Variants in PIK3C2G observed in about 807,000 individuals in gnomAD.
PIK3C2G encodes phosphatidylinositol-4-phosphate 3-kinase catalytic subunit type 2 gamma.
A neutral mutation model predicts 181.1 loss-of-function variants in PIK3C2G; 168 were observed. The observed-to-expected ratio is 0.93, with a 90% CI of 0.82 to 1.05. The LOEUF (loss-of-function observed/expected upper bound fraction) is 1.05, where lower values mean the gene tolerates loss of function less well. Among genes scored for constraint, PIK3C2G ranks in the 50% least tolerant of loss-of-function variants. The pLI is 0.00. For synonymous variants in PIK3C2G, 573 were observed against 592.2 expected (o/e 0.97, Z 0.47); for missense variants, 1,869 against 1,732.8 (o/e 1.08, Z -1.40).
intron 8 of PIK3C2G, among the ~76,000 whole-genome samples, chr12:18,329,614 T>C (rs1937707608): frequency 6.6e-6 from 1 of 152,018 alleles, no homozygotes; most frequent in South Asian, 2.1e-4. Flanking sequence ...ATTAGTTCAT[T>C]TTCATTGTTG....
chr12:18,399,647 C>A lies in PIK3C2G; in HGVS notation c.2127-12C>A, dbSNP rs373291273. Reference sequence around the variant, plus strand: ...ACTCCAGTAAATTACAGTTTCCAATCTGGTTTTTCAGACTCTCTGAAGAAA... The same window carrying A: ...ACTCCAGTAAATTACAGTTTCCAATATGGTTTTTCAGACTCTCTGAAGAAA... On this transcript the variant is annotated splice_polypyrimidine_tract_variant and intron_variant, in intron 15 of 32. Transcript: ENST00000538779. 2.2e-5 allele frequency: 33 copies of A among 1,515,058 alleles called. No individual in the cohort carries two copies. Among genetic ancestry groups the A allele is most frequent in the African/African-American group, 2.8e-5 (2 of 72,708 alleles). 93.9% of individuals were successfully genotyped at this position (1,515,058 alleles called of 1,614,324 possible). A position where few individuals can be genotyped will look rare whatever the true frequency, so the allele number is the denominator to read the frequency against.
chr12:18,641,569 TGTTA>T (rs1949839543), intron 32 of PIK3C2G, among the ~76,000 whole-genome samples: 2 of 152,022 alleles, frequency 1.3e-5, no homozygotes, highest in African/African-American at 4.8e-5. Context: ...TTTCCTTCAT[TGTTA>T]TTCTTTCTCT....
At chr12:18,436,490 T>C (rs1009510245) in intron 18 of PIK3C2G, among the ~76,000 whole-genome samples, 7 of 152,018 alleles carry the variant, frequency 4.6e-5, no homozygotes, top group African/African-American at 1.7e-4. Flanking sequence ...GGAGAGTAGA[T>C]TTGGTATAGA....
chr12:18,555,967 G>A (rs977931174), intron 26 of PIK3C2G, among the ~76,000 whole-genome samples: 14 of 152,058 alleles, frequency 9.2e-5, no homozygotes, highest in African/African-American at 3.4e-4. Context: ...CTTCTCTAAG[G>A]ATGAAAAGAT....
At chr12:18,358,653 A>T in intron 11 of PIK3C2G, 1 of 490,678 alleles carries the variant, frequency 2.0e-6, no homozygotes, top group Non-Finnish European at 4.1e-6. Flanking sequence ...GCTGGTCAGC[A>T]TCATCAAAAT....
At chr12:18,349,980 G>A (rs974030082) in intron 11 of PIK3C2G, among the ~76,000 whole-genome samples, 4 of 152,170 alleles carry the variant, frequency 2.6e-5, no homozygotes, top group African/African-American at 7.2e-5. Flanking sequence ...TCGACAGCAG[G>A]AATACGTAGT....
chr12:18,550,230 C>T (rs973176356), intron 26 of PIK3C2G, among the ~76,000 whole-genome samples: 1 of 151,926 alleles, frequency 6.6e-6, no homozygotes, highest in Admixed American at 6.6e-5. Flanking sequence ...AGAAATATTT[C>T]CTGAGATCTA....
intron 18 of PIK3C2G, among the ~76,000 whole-genome samples, chr12:18,480,544 G>T (rs1251386135): frequency 6.6e-6 from 1 of 152,008 alleles, no homozygotes; most frequent in African/African-American, 2.4e-5. Flanking sequence ...TCCAGATGTG[G>T]GGCTCAGACA....
chr12:18,683,526 T>C, the PIK3C2G span: 2 of 1,512,806 alleles, frequency 1.3e-6, no homozygotes, highest in South Asian at 1.2e-5. Flanking sequence ...TGCCCAAAAC[T>C]GAATACACAG....
chr12:18,409,054 C>A (rs1179410373), intron 16 of PIK3C2G, among the ~76,000 whole-genome samples: 1 of 152,046 alleles, frequency 6.6e-6, no homozygotes, highest in African/African-American at 2.4e-5. Context: ...TGGGTATATA[C>A]CCAAAGGATT....
At chr12:18,586,775 T>A (rs1448326516) in intron 29 of PIK3C2G, among the ~76,000 whole-genome samples, 2 of 151,738 alleles carry the variant, frequency 1.3e-5, no homozygotes, top group African/African-American at 4.8e-5. Context: ...AAAGAAAACT[T>A]CAGGCCAAAA....
intron 30 of PIK3C2G, among the ~76,000 whole-genome samples, chr12:18,598,279 T>C (rs1168137715): frequency 1.3e-5 from 2 of 151,794 alleles, no homozygotes; most frequent in African/African-American, 4.9e-5. Flanking sequence ...CAAAACAGCA[T>C]GGTACTGGTA....
chr12:18,314,785 T>C (rs1396710763), intron 6 of PIK3C2G: 1 of 152,178 alleles, frequency 6.6e-6, no homozygotes, highest in East Asian at 1.9e-4. Context: ...TAGAAGTAAA[T>C]GAAATAGAAA....
rs1293229591 is a variant in PIK3C2G at position 18,488,500 on chromosome 12, G to C, written c.2556G>C (p.Lys852Asn). Reference protein sequence around the residue: ...NEAYFKSWYQKLLAALQFCAG... With the variant: ...NEAYFKSWYQNLLAALQFCAG... ...CTTATTTTAAAAGCTGGTATCAGAA[G>C]CTACTAGCTGCTCTCCAATTCTGTG... Residue 852 changes from lysine (K) to asparagine (N), a missense_variant, in exon 19 of 33, where the codon AAG becomes AAC. Lys to Asn is a moderately conservative substitution (Grantham distance 94). Transcript: ENST00000538779. The C allele has an allele frequency of 2.6e-6, 4 of 1,556,462 alleles. No individual in the cohort carries two copies. The highest frequency in any genetic ancestry group is 3.5e-6 in the Non-Finnish European group (4 of 1,151,754).
At chr12:18,685,760 T>C in the PIK3C2G span, 5 of 402,196 alleles carry the variant, frequency 1.2e-5, no homozygotes, top group East Asian at 2.7e-4. Context: ...TGATTTCTTC[T>C]TCCTCCAATC....
downstream of PIK3C2G, among the ~76,000 whole-genome samples, chr12:18,651,112 A>T (rs1950496417): frequency 6.6e-6 from 1 of 151,852 alleles, no homozygotes; most frequent in African/African-American, 2.4e-5. Flanking sequence ...AACTCTTATT[A>T]TATCCTCCTA....
At chr12:18,581,291 T>C (rs1946487700) in intron 29 of PIK3C2G, among the ~76,000 whole-genome samples, 1 of 152,246 alleles carries the variant, frequency 6.6e-6, no homozygotes, top group African/African-American at 2.4e-5. Context: ...TTGAAAATCC[T>C]ATATTAGATA....
the PIK3C2G span, among the ~76,000 whole-genome samples, chr12:18,665,177 A>T: frequency 6.6e-5 from 10 of 150,434 alleles, no homozygotes; most frequent in African/African-American, 9.7e-5. Flanking sequence ...AAATAAAAAA[A>T]AATTAAAAAA....
chr12:18,649,516 TC>T (rs1376207736), downstream of PIK3C2G, among the ~76,000 whole-genome samples: 1 of 152,138 alleles, frequency 6.6e-6, no homozygotes, highest in Non-Finnish European at 1.5e-5. Context: ...TAAAACTTTC[TC>T]GTTACCCCAC....
Sources: allele counts gnomAD v4.1 joint callset (sites outside exome capture counted in the v4.1 genomes callset), GRCh38; gene constraint gnomAD v4.1.1; transcripts MANE v1.5; gene names NCBI Gene and HGNC (gene_info 2026-07-23, HGNC 2026-07-21).